The following GPC6 variants were observed in gnomAD, a reference collection of about 807,000 sequenced individuals.
The protein encoded by GPC6 is glypican 6.
A neutral mutation model predicts 55.2 loss-of-function variants in GPC6; 14 were observed. That is an observed-to-expected ratio of 0.25 (90% confidence interval 0.17 to 0.40). The LOEUF (loss-of-function observed/expected upper bound fraction) is 0.40. Among genes scored for constraint, GPC6 ranks in the 10% least tolerant of loss-of-function variants. The pLI is 1.00. For synonymous variants in GPC6, 278 were observed against 259.6 expected, an observed-to-expected ratio of 1.07 and a Z score of -0.68; for missense variants, 641 against 708.5, an observed-to-expected ratio of 0.90 and a Z score of 1.08.
At chr13:93,942,157 A>T (rs375306248) in intron 3 of GPC6, among the ~76,000 whole-genome samples, 1 of 152,218 alleles carries the variant, frequency 6.6e-6, no homozygotes, top group African/African-American at 2.4e-5. Flanking sequence ...CATTTCACAC[A>T]AAGAGTAATA....
intron 1 of GPC6, among the ~76,000 whole-genome samples, chr13:93,475,159 T>TACAC (rs35324469): frequency 0.014 from 2,074 of 149,600 alleles, 19 homozygotes; most frequent in African/African-American, 0.022. Flanking sequence ...AATAAATAAA[T>TACAC]ACACACACAC....
At chr13:93,685,301 G>T (rs1042032755) in intron 2 of GPC6, among the ~76,000 whole-genome samples, 12 of 152,146 alleles carry the variant, frequency 7.9e-5, no homozygotes, top group Non-Finnish European at 1.5e-4. Flanking sequence ...TGAAAGAGCT[G>T]ATGTCAAGTC....
chr13:93,411,843 A>G (rs1202438492), intron 1 of GPC6, among the ~76,000 whole-genome samples: 1 of 151,932 alleles, frequency 6.6e-6, no homozygotes, highest in African/African-American at 2.4e-5. Context: ...TCTACTAAAA[A>G]TACAAAAACA....
At chr13:94,362,541 T>C (rs1879105318) in intron 6 of GPC6, among the ~76,000 whole-genome samples, 1 of 152,034 alleles carries the variant, frequency 6.6e-6, no homozygotes, top group Non-Finnish European at 1.5e-5. Context: ...ATAAGACTGG[T>C]AAGGGGGTGA....
chr13:94,252,337 T>A (rs1237435183), intron 4 of GPC6, among the ~76,000 whole-genome samples: 2 of 152,164 alleles, frequency 1.3e-5, no homozygotes, highest in South Asian at 2.1e-4. Flanking sequence ...GTAATAAGAT[T>A]GTTCGACGAC....
intron 3 of GPC6, among the ~76,000 whole-genome samples, chr13:93,845,906 C>T (rs61964364): frequency 0.23 from 35,108 of 149,826 alleles, 4,631 homozygotes; most frequent in East Asian, 0.34. Context: ...GTGGGTGCAG[C>T]GCACCAGCAT....
chr13:93,731,722 C>T (rs141378662), intron 2 of GPC6, among the ~76,000 whole-genome samples: 15 of 151,962 alleles, frequency 9.9e-5, no homozygotes, highest in East Asian at 1.9e-4. Context: ...TGGATGTGAG[C>T]GTGAATTGTA....
At chr13:93,457,010 A>C (rs1878478992) in intron 1 of GPC6, among the ~76,000 whole-genome samples, 1 of 152,148 alleles carries the variant, frequency 6.6e-6, no homozygotes, top group African/African-American at 2.4e-5. Flanking sequence ...CGATGATTTT[A>C]CAAGGAGTTT....
intron 3 of GPC6, among the ~76,000 whole-genome samples, chr13:93,901,969 A>G (rs1353642459): frequency 6.6e-6 from 1 of 151,962 alleles, no homozygotes; most frequent in Non-Finnish European, 1.5e-5. Flanking sequence ...TGTATGAAGT[A>G]CAGTGTGTTT....
intron 4 of GPC6, among the ~76,000 whole-genome samples, chr13:94,094,804 A>G (rs1885605586): frequency 1.5e-5 from 2 of 134,728 alleles, no homozygotes; most frequent in Admixed American, 1.6e-4. Flanking sequence ...TATGCTTTCT[A>G]GTGTAATCAT....
intron 4 of GPC6, among the ~76,000 whole-genome samples, chr13:94,230,209 T>G (rs1408249794): frequency 2.0e-5 from 3 of 152,170 alleles, no homozygotes; most frequent in Non-Finnish European, 4.4e-5. Flanking sequence ...CTTCCCTTCC[T>G]TATCTAGAGA....
At chr13:94,289,447 C>T (rs1287632429) in intron 5 of GPC6, among the ~76,000 whole-genome samples, 3 of 152,054 alleles carry the variant, frequency 2.0e-5, no homozygotes, top group Admixed American at 2.0e-4. Context: ...ACTGGGAGGC[C>T]AGCTTCAAGT....
chr13:93,241,469 G>A (rs1351995002), intron 1 of GPC6, among the ~76,000 whole-genome samples: 1 of 152,088 alleles, frequency 6.6e-6, no homozygotes, highest in Non-Finnish European at 1.5e-5. Context: ...CTCCCTAAAT[G>A]AGTCTTTCAT....
intron 3 of GPC6, among the ~76,000 whole-genome samples, chr13:94,008,393 G>A (rs1278099104): frequency 6.6e-6 from 1 of 152,116 alleles, no homozygotes; most frequent in Non-Finnish European, 1.5e-5. Flanking sequence ...TTAAATAGAT[G>A]CCAGTAATCC....
chr13:93,795,010 A>G (rs1886154966), intron 2 of GPC6, among the ~76,000 whole-genome samples: 1 of 152,214 alleles, frequency 6.6e-6, no homozygotes, highest in African/African-American at 2.4e-5. Flanking sequence ...ATAGACTGTG[A>G]AAAATTCTGT....
chr13:94,329,684 A>G (rs1877309200), intron 6 of GPC6, among the ~76,000 whole-genome samples: 1 of 152,194 alleles, frequency 6.6e-6, no homozygotes, highest in South Asian at 2.1e-4. Flanking sequence ...ATGGGATTGA[A>G]TGGGTTTAGG....
chr13:93,564,728 G>A (rs925069040), intron 2 of GPC6, among the ~76,000 whole-genome samples: 2 of 151,976 alleles, frequency 1.3e-5, no homozygotes, highest in Admixed American at 6.6e-5. Context: ...ATGTTGCAGA[G>A]TTTCTTGTTA....
At chr13:93,558,255 G>C (rs1404468160) in intron 2 of GPC6, among the ~76,000 whole-genome samples, 2 of 152,070 alleles carry the variant, frequency 1.3e-5, no homozygotes, top group Non-Finnish European at 2.9e-5. Context: ...ATATATGAGG[G>C]TTCACCTCTG....
chr13:93,286,430 T>C (rs1878127976), intron 1 of GPC6, among the ~76,000 whole-genome samples: 1 of 152,166 alleles, frequency 6.6e-6, no homozygotes, highest in South Asian at 2.1e-4. Context: ...AGTCCCAATG[T>C]AATTTGAGGC....
Sources: gnomAD v4.1 joint callset for allele counts (sites outside exome capture counted in the v4.1 genomes callset) on GRCh38, gnomAD v4.1.1 for gene constraint, MANE v1.5 for transcripts, NCBI Gene and HGNC (gene_info 2026-07-23, HGNC 2026-07-21) for gene names.